SMIM20: variants seen among roughly 807,000 people sequenced by gnomAD.
The protein encoded by SMIM20 is small integral membrane protein 20, also known as mitochondrial translation regulation assembly intermediate of cytochrome c oxidase protein of 7 kDa.
SMIM20 carries 3 observed loss-of-function variants against 8.7 expected under a neutral mutation model. The observed-to-expected ratio is 0.34, with a 90% CI of 0.16 to 0.89. The LOEUF (loss-of-function observed/expected upper bound fraction) is 0.89, where lower values mean the gene tolerates loss of function less well. Among genes scored for constraint, SMIM20 ranks in the 40% least tolerant of loss-of-function variants. The pLI is 0.49. For missense variants in SMIM20, 85 were observed against 84.8 expected (o/e 1.00, Z -0.01); for synonymous variants, 44 against 33.6 (o/e 1.31, Z -1.07).
At position 25,929,426 on chromosome 4, in the gene SMIM20, T is replaced by G. The variant is rs1375636657; in HGVS notation, c.*235T>G. ...ATTAGGAAGGTTTTCATGATTCAGT[T>G]GATTTTCCAAAAATGAAGCTATCTC... On this transcript the variant is annotated 3_prime_UTR_variant, in exon 3 of 3. Coordinates refer to ENST00000506197, the MANE Select transcript of SMIM20 (RefSeq NM_001145432.3). The G allele has an allele frequency of 2.3e-5, 11 of 485,254 alleles. No homozygotes were observed. Among genetic ancestry groups the G allele is most frequent in the Non-Finnish European group, 3.6e-5 (10 of 281,072 alleles). 30.1% of individuals were successfully genotyped at this position (485,254 alleles called of 1,614,324 possible).
At chr4:25,918,493 A>G (rs1323425269) in intron 1 of SMIM20, among the ~76,000 whole-genome samples, 1 of 151,696 alleles carries the variant, frequency 6.6e-6, no homozygotes, top group Non-Finnish European at 1.5e-5. Context: ...ATCTGATTTT[A>G]TTGTGCTACC....
Position 25,929,134 on chromosome 4 carries a change from G to C in SMIM20, c.167-20G>C, listed in dbSNP as rs369480019. 1 of 1,551,406 alleles carries C rather than the reference G, an allele frequency of 6.4e-7. No homozygotes were observed. Among genetic ancestry groups the C allele is most frequent in the Non-Finnish European group, 8.7e-7 (1 of 1,146,718 alleles). ...ACATTTAAAAATGAATCCTGTTTTT[G>C]TTCCTGTTTCTTTCCATAGGGTTAA... On this transcript the variant is annotated intron_variant, in intron 2 of 2. Transcript: ENST00000506197.
chr4:25,914,248 G>A lies in SMIM20; in HGVS notation c.-66G>A. 6.6e-7 allele frequency: 1 copy of A among 1,512,522 alleles called. No homozygotes were observed. Among genetic ancestry groups the A allele is most frequent in the Non-Finnish European group, 8.9e-7 (1 of 1,124,026 alleles). The allele number at this position is 1,512,522 out of a possible 1,614,324, so 93.7% of individuals were successfully genotyped here. A position where few individuals can be genotyped will look rare whatever the true frequency, so the allele number is the denominator to read the frequency against. ...TTCCGAGCGGGGTCACGGCCCGGCCGTCGGTAACCTGGTTTCCGAGAGTGC... is the reference window on the plus strand; with the variant it reads ...TTCCGAGCGGGGTCACGGCCCGGCCATCGGTAACCTGGTTTCCGAGAGTGC... On this transcript the variant is annotated 5_prime_UTR_variant, in exon 1 of 3. Coordinates refer to ENST00000506197, the MANE Select transcript of SMIM20 (RefSeq NM_001145432.3).
rs1176567097 is a variant in SMIM20, at chr4:25,926,511, A to C, written c.110-1802A>C. On this transcript the variant is annotated intron_variant, in intron 1 of 2. Transcript: ENST00000506197. ...AGAGATTATGGTCTATTTAAAATAA[A>C]TCTTCAGCCTTGCTTCAGCCTCATT... 2.0e-5 allele frequency among the ~76,000 whole-genome samples: 3 copies of C among 152,266 alleles called. No individual in the cohort carries two copies. In the East Asian group the frequency reaches 5.8e-4, roughly 29 times the overall value.
intron 1 of SMIM20, among the ~76,000 whole-genome samples, chr4:25,917,115 G>A (rs1719104854): frequency 6.6e-6 from 1 of 152,080 alleles, no homozygotes; most frequent in Non-Finnish European, 1.5e-5. Context: ...ACCTACAGCT[G>A]ATGAGTCACA....
intron 1 of SMIM20, among the ~76,000 whole-genome samples, chr4:25,917,014 C>G (rs1365792078): frequency 6.6e-6 from 1 of 152,110 alleles, no homozygotes; most frequent in Admixed American, 6.6e-5. Context: ...GTGTTGATAA[C>G]AGCCCTTTGT....
At position 25,920,993 on chromosome 4, in the gene SMIM20, A is replaced by C. The variant is rs144767785; in HGVS notation, c.109+6571A>C. On this transcript the variant is annotated intron_variant, in intron 1 of 2. Transcript: ENST00000506197. The stretch of plus-strand genomic sequence containing the variant: ...GGTTGCACAACAATGAAATCACCTA[A>C]GGACGCATTTCTCAGAATGTACTCC... Among the ~76,000 whole-genome samples the C allele has an allele frequency of 4.3e-3, 657 of 152,338 alleles. 12 individuals carry two copies. Among genetic ancestry groups the C allele is most frequent in the African/African-American group, 0.015 (622 of 41,568 alleles).
chr4:25,915,630 C>T (rs1214366192), intron 1 of SMIM20, among the ~76,000 whole-genome samples: 1 of 152,144 alleles, frequency 6.6e-6, no homozygotes, highest in African/African-American at 2.4e-5. Context: ...GTAAGGTGGG[C>T]TGTGTGAAGC....
At chr4:25,914,458 C>A in intron 1 of SMIM20, 36 bp downstream of exon 1, 1 of 1,427,266 alleles carries the variant, frequency 7.0e-7, no homozygotes, top group Non-Finnish European at 9.3e-7. Flanking sequence ...TGACCTGACT[C>A]CCCAACACAC....
chr4:25,924,855 T>C (rs974270321), intron 1 of SMIM20, among the ~76,000 whole-genome samples: 2 of 152,146 alleles, frequency 1.3e-5, no homozygotes, highest in African/African-American at 4.8e-5. Flanking sequence ...AATCTGAAAA[T>C]GGAAAATGCT....
intron 1 of SMIM20, among the ~76,000 whole-genome samples, chr4:25,927,986 C>T (rs1009167435): frequency 6.6e-6 from 1 of 152,204 alleles, no homozygotes; most frequent in Non-Finnish European, 1.5e-5. Flanking sequence ...CGTGATATCA[C>T]GCCCACCAGT....
At chr4:25,922,548 G>A (rs918615621) in intron 1 of SMIM20, among the ~76,000 whole-genome samples, 1 of 152,162 alleles carries the variant, frequency 6.6e-6, no homozygotes, top group African/African-American at 2.4e-5. Context: ...TCTCCACCGT[G>A]GAAGGTCCTC....
rs1018553633 is a variant in SMIM20 at position 25,915,859 on chromosome 4, CG to C, written c.109+1447del. Among the ~76,000 whole-genome samples the C allele has an allele frequency of 2.2e-3, 87 of 40,268 alleles. 2 individuals are homozygous for C. Among genetic ancestry groups the C allele is most frequent in the African/African-American group, 5.7e-3 (42 of 7,410 alleles). 26.4% of individuals were successfully genotyped at this position (40,268 alleles called of 152,430 possible). On this transcript the variant is annotated intron_variant, in intron 1 of 2. Transcript: ENST00000506197. ...TTGCTTGTCACAACTTGGGATGGGG[CG>C]GGGGGGGGGTCGAGTGTTGCTACTG...
chr4:25,923,963 T>A (rs1719244134), intron 1 of SMIM20, among the ~76,000 whole-genome samples: 2 of 152,214 alleles, frequency 1.3e-5, no homozygotes, highest in African/African-American at 4.8e-5. Flanking sequence ...AGTGGCTACT[T>A]GGTCCCCTTC....
chr4:25,929,765 A>G lies in SMIM20; in HGVS notation c.*574A>G, dbSNP rs975995125. 1 of 152,244 alleles carries G rather than the reference A, an allele frequency of 6.6e-6. No individual in the cohort carries two copies. Among genetic ancestry groups the G allele is most frequent in the Non-Finnish European group, 1.5e-5 (1 of 68,048 alleles). 9.4% of individuals were successfully genotyped at this position (152,244 alleles called of 1,614,324 possible). A position where few individuals can be genotyped will look rare whatever the true frequency, so the allele number is the denominator to read the frequency against. On this transcript the variant is annotated 3_prime_UTR_variant, in exon 3 of 3. Transcript: ENST00000506197. ...GCATACACTTGTGTAGAAATCAATAATCAATTAATAGAAGTGAAAAAATAG... is the reference window on the plus strand; with the variant it reads ...GCATACACTTGTGTAGAAATCAATAGTCAATTAATAGAAGTGAAAAAATAG...
In SMIM20 at chr4:25,929,633, G is replaced by A. The variant is rs901850330; in HGVS notation, c.*442G>A. 1.3e-5 allele frequency: 2 copies of A among 155,124 alleles called. No homozygotes were observed. The highest frequency in any genetic ancestry group is 6.5e-5 in the Admixed American group (1 of 15,366). 9.6% of individuals were successfully genotyped at this position (155,124 alleles called of 1,614,324 possible). A position where few individuals can be genotyped will look rare whatever the true frequency, so the allele number is the denominator to read the frequency against. ...GCTGAGCTGCCTTATAGAGCTCTTC[G>A]AAAATGTTCGAGTTGATAAAGCTCT... On this transcript the variant is annotated 3_prime_UTR_variant, in exon 3 of 3. Coordinates refer to ENST00000506197, the MANE Select transcript of SMIM20 (RefSeq NM_001145432.3).
rs1711564047 is a variant in SMIM20 at position 25,928,307 on chromosome 4, T to A, written c.110-6T>A. On this transcript the variant is annotated splice_region_variant and splice_polypyrimidine_tract_variant and intron_variant, in intron 1 of 2. Coordinates refer to ENST00000506197, the MANE Select transcript of SMIM20 (RefSeq NM_001145432.3). ...TAAAGAATGATTTTTCTCTTATGTT[T>A]CTCAGAGAAGGAACAAGCTATAAAT... 1 of 1,550,146 alleles carries A rather than the reference T, an allele frequency of 6.5e-7. No homozygotes were observed. The highest frequency in any genetic ancestry group is 8.7e-7 in the Non-Finnish European group (1 of 1,146,504).
At chr4:25,928,228 C>G in intron 1 of SMIM20, 85 bp from the exon 2 acceptor site, 7 of 1,316,272 alleles carry the variant, frequency 5.3e-6, no homozygotes, top group Non-Finnish European at 6.3e-6. Flanking sequence ...TTCTAATTGT[C>G]CCATGTCATT....
chr4:25,926,987 T>G (rs1410270322), intron 1 of SMIM20, among the ~76,000 whole-genome samples: 1 of 152,210 alleles, frequency 6.6e-6, no homozygotes. Context: ...CTACAATGAT[T>G]TAATGTCTTA....
Sources: allele counts gnomAD v4.1 joint callset (sites outside exome capture counted in the v4.1 genomes callset), GRCh38; gene constraint gnomAD v4.1.1; transcripts MANE v1.5; gene names NCBI Gene and HGNC (gene_info 2026-07-23, HGNC 2026-07-21).